Variants in FBXW8 observed in about 807,000 individuals in gnomAD.
FBXW8 encodes the protein F-box and WD repeat domain containing 8, also known as F-box/WD repeat-containing protein 8.
FBXW8 carries 57 observed loss-of-function variants against 65.3 expected under a neutral mutation model. That is an observed-to-expected ratio of 0.87 (90% CI 0.71 to 1.09). FBXW8 has a LOEUF of 1.09. FBXW8 is among the 50% of genes least tolerant of loss of function. FBXW8 has a pLI of 0.00. For synonymous variants in FBXW8, 308 were observed against 330.2 expected, an observed-to-expected ratio of 0.93 and a Z score of 0.73; for missense variants, 777 against 814.8, an observed-to-expected ratio of 0.95 and a Z score of 0.57.
chr12:116,951,886 T>C (rs745950032), intron 4 of FBXW8, among the ~76,000 whole-genome samples: 12 of 152,234 alleles, frequency 7.9e-5, no homozygotes, highest in Non-Finnish European at 2.9e-5. Flanking sequence ...CAGGACCTGG[T>C]GCCTGTCTCC....
chr12:116,937,096 G>A (rs1401208814), intron 2 of FBXW8, among the ~76,000 whole-genome samples: 2 of 152,124 alleles, frequency 1.3e-5, no homozygotes, highest in African/African-American at 4.8e-5. Flanking sequence ...TGGGCTGGAT[G>A]TGGGGACAGA....
chr12:117,011,120 T>TTTTTAC, intron 8 of FBXW8, among the ~76,000 whole-genome samples: 1 of 127,900 alleles, frequency 7.8e-6, no homozygotes, highest in Non-Finnish European at 1.6e-5. Flanking sequence ...CTTGTTTTTT[T>TTTTTAC]CTTTTCCTTT....
intron 4 of FBXW8, among the ~76,000 whole-genome samples, chr12:116,953,919 G>A (rs1319564927): frequency 6.6e-6 from 1 of 152,032 alleles, no homozygotes; most frequent in East Asian, 1.9e-4. Context: ...TTCAAGACCA[G>A]CCTGGCCAAC....
At chr12:117,010,234 T>A (rs1953770141) in intron 7 of FBXW8, 89 bp from the exon 8 acceptor site, 1 of 1,578,576 alleles carries the variant, frequency 6.3e-7, no homozygotes, top group Non-Finnish European at 8.6e-7. Flanking sequence ...GTGATAAGGA[T>A]CATGCCCTCC....
At chr12:116,994,156 G>A (rs1953318193) in intron 7 of FBXW8, among the ~76,000 whole-genome samples, 1 of 152,124 alleles carries the variant, frequency 6.6e-6, no homozygotes, top group Non-Finnish European at 1.5e-5. Context: ...GGTACTGGTG[G>A]TAAAAGTAGA....
rs1198927363 is a variant in FBXW8, at chr12:116,961,877, G to T, written c.678-2820G>T. On this transcript the variant is annotated intron_variant, in intron 4 of 10. Transcript: ENST00000652555. This position sits in a 1 kb window ranked among gnomAD's most constrained non-coding sequence, Gnocchi z 4.4. ...TTTTGAAGGGCTTGGCTTGTGGGGGGAGGATTGAATGGAAGAAGCTCCGAA... is the reference window on the plus strand; with the variant it reads ...TTTTGAAGGGCTTGGCTTGTGGGGGTAGGATTGAATGGAAGAAGCTCCGAA... Among the ~76,000 whole-genome samples, 2 of 152,204 alleles carry T rather than the reference G, an allele frequency of 1.3e-5. No homozygotes were observed. The highest frequency in any genetic ancestry group is 2.9e-5 in the Non-Finnish European group (2 of 68,042).
intron 2 of FBXW8, among the ~76,000 whole-genome samples, chr12:116,928,519 G>A (rs1183351615): frequency 6.6e-6 from 1 of 152,206 alleles, no homozygotes; most frequent in Non-Finnish European, 1.5e-5. Flanking sequence ...GAGGGGGTCA[G>A]CACGAGGACA....
At chr12:116,973,551 T>C (rs1439261680) in intron 5 of FBXW8, among the ~76,000 whole-genome samples, 2 of 152,250 alleles carry the variant, frequency 1.3e-5, no homozygotes, top group Non-Finnish European at 2.9e-5. Context: ...AATCACTTCT[T>C]TGATATTATT....
At position 116,965,962 on chromosome 12, in the gene FBXW8, C is replaced by T. The variant is rs570956566; in HGVS notation, c.835+1108C>T. On this transcript the variant is annotated intron_variant, in intron 5 of 10. Transcript: ENST00000652555. ...TTTTTTTTAAGAGATGGAGTTTTGC[C>T]GTGTTGTCCAGACTGGTCTTGAACT... Among the ~76,000 whole-genome samples the T allele has an allele frequency of 5.4e-5, 8 of 147,626 alleles. No individual in the cohort carries two copies. In the South Asian group the frequency reaches 6.5e-4, roughly 12 times the overall value.
chr12:116,912,511 T>A (rs1196983767), intron 1 of FBXW8, among the ~76,000 whole-genome samples: 1 of 148,610 alleles, frequency 6.7e-6, no homozygotes, highest in African/African-American at 2.5e-5. Flanking sequence ...CAGGCTGGAG[T>A]TGCAGTGGCG....
At chr12:116,940,536 C>A (rs1305751420) in intron 2 of FBXW8, among the ~76,000 whole-genome samples, 1 of 149,090 alleles carries the variant, frequency 6.7e-6, no homozygotes, top group African/African-American at 2.5e-5. Context: ...AAAAAAAAAC[C>A]CTGAAGAATC....
chr12:116,940,268 TA>T (rs1882469355), intron 2 of FBXW8, among the ~76,000 whole-genome samples: 1 of 150,784 alleles, frequency 6.6e-6, no homozygotes, highest in Non-Finnish European at 1.5e-5. Context: ...TTTTTTTTTT[TA>T]AATAATTAAG....
At chr12:117,001,967 C>CACCT (rs1369279528) in intron 7 of FBXW8, among the ~76,000 whole-genome samples, 1 of 152,214 alleles carries the variant, frequency 6.6e-6, no homozygotes, top group Non-Finnish European at 1.5e-5. Flanking sequence ...TTATTCCCAG[C>CACCT]ACCTACGGAC....
chr12:117,001,745 CCA>C (rs1953526980), intron 7 of FBXW8, among the ~76,000 whole-genome samples: 2 of 152,058 alleles, frequency 1.3e-5, no homozygotes, highest in African/African-American at 4.8e-5. Context: ...TTTTCAGCTC[CCA>C]GTCAGTCATA....
At chr12:116,990,635 T>G (rs1254319139) in intron 7 of FBXW8, among the ~76,000 whole-genome samples, 1 of 152,180 alleles carries the variant, frequency 6.6e-6, no homozygotes, top group African/African-American at 2.4e-5. Flanking sequence ...GTTTTCTCCT[T>G]GACTTATCTG....
intron 1 of FBXW8, among the ~76,000 whole-genome samples, chr12:116,922,330 C>A (rs1222951882): frequency 2.6e-5 from 4 of 152,104 alleles, no homozygotes; most frequent in African/African-American, 9.7e-5. Flanking sequence ...GTCTACTCCA[C>A]TCAGCTTTTG....
chr12:116,967,115 G>A (rs887786368), intron 5 of FBXW8, among the ~76,000 whole-genome samples: 4 of 151,010 alleles, frequency 2.6e-5, no homozygotes, highest in Admixed American at 1.3e-4. Flanking sequence ...AGGCCCTCTC[G>A]CATTTTACTC....
chr12:116,950,179 A>G (rs1371494078), intron 4 of FBXW8: 24 of 147,698 alleles, frequency 1.6e-4, no homozygotes, highest in Admixed American at 1.6e-3. Context: ...TTGTCCTGAC[A>G]TTGTTTTTTT....
intron 2 of FBXW8, among the ~76,000 whole-genome samples, chr12:116,941,344 G>A (rs1417174153): frequency 6.6e-6 from 1 of 152,204 alleles, no homozygotes; most frequent in Non-Finnish European, 1.5e-5. Flanking sequence ...ATTAGAGTGT[G>A]ACACTTAGAT....
Sources: gnomAD v4.1 joint callset for allele counts (sites outside exome capture counted in the v4.1 genomes callset) on GRCh38, gnomAD v4.1.1 for gene constraint, Gnocchi (gnomAD v3.1) non-coding constraint, MANE v1.5 for transcripts, NCBI Gene and HGNC (gene_info 2026-07-23, HGNC 2026-07-21) for gene names.